SPOCK3: variants seen among roughly 807,000 people sequenced by gnomAD.
SPOCK3 encodes testican-3.
A neutral mutation model predicts 56.6 loss-of-function variants in SPOCK3; 30 were observed. The observed-to-expected ratio is 0.53, with a 90% confidence interval of 0.40 to 0.72. The LOEUF (loss-of-function observed/expected upper bound fraction) is 0.72. SPOCK3 is among the 30% of genes least tolerant of loss of function. The pLI, the probability that SPOCK3 is intolerant of heterozygous loss-of-function variation, is 0.00. For missense variants in SPOCK3, 527 were observed against 530.0 expected, an observed-to-expected ratio of 0.99 and a Z score of 0.06; for synonymous variants, 196 against 183.3, an observed-to-expected ratio of 1.07 and a Z score of -0.56.
At chr4:167,077,751 C>T (rs1323787092) in intron 2 of SPOCK3, among the ~76,000 whole-genome samples, 1 of 151,684 alleles carries the variant, frequency 6.6e-6, no homozygotes, top group Non-Finnish European at 1.5e-5. Flanking sequence ...GAAAATATTA[C>T]TATTGGTAAC....
chr4:166,980,273 T>C (rs1746421850), intron 4 of SPOCK3, among the ~76,000 whole-genome samples: 1 of 152,262 alleles, frequency 6.6e-6, no homozygotes, highest in Non-Finnish European at 1.5e-5. Flanking sequence ...ATGCCTAGAA[T>C]ATCTGGCATA....
At chr4:166,798,020 A>G (rs1431097291) in intron 6 of SPOCK3, among the ~76,000 whole-genome samples, 1 of 152,172 alleles carries the variant, frequency 6.6e-6, no homozygotes, top group Admixed American at 6.5e-5. Flanking sequence ...CTATTGTCTA[A>G]TAATGTCAAC....
chr4:166,819,398 T>C (rs1744693745), intron 6 of SPOCK3, among the ~76,000 whole-genome samples: 1 of 151,970 alleles, frequency 6.6e-6, no homozygotes, highest in African/African-American at 2.4e-5. Context: ...GAAATAAACG[T>C]AAGGTATCAG....
At chr4:166,816,824 C>G (rs1326013178) in intron 6 of SPOCK3, among the ~76,000 whole-genome samples, 2 of 151,956 alleles carry the variant, frequency 1.3e-5, no homozygotes, top group African/African-American at 2.4e-5. Flanking sequence ...GACAGAAGGC[C>G]TCTGTGGTAT....
chr4:166,986,842 C>A (rs1212442979), intron 4 of SPOCK3, among the ~76,000 whole-genome samples: 2 of 152,102 alleles, frequency 1.3e-5, no homozygotes, highest in Admixed American at 6.6e-5. Context: ...CACATGCACA[C>A]ACACCAAAAT....
At chr4:166,953,727 C>T (rs1254687725) in intron 4 of SPOCK3, among the ~76,000 whole-genome samples, 3 of 152,164 alleles carry the variant, frequency 2.0e-5, no homozygotes, top group Non-Finnish European at 4.4e-5. Context: ...AAATGTGGCA[C>T]ATATACACCA....
chr4:167,081,980 G>C (rs28680316), intron 2 of SPOCK3, among the ~76,000 whole-genome samples: 17,576 of 151,972 alleles, frequency 0.12, 1,289 homozygotes, highest in African/African-American at 0.21. Context: ...CTTCATGCAT[G>C]TCTCTTATCA....
At chr4:167,138,757 T>C (rs1393950816) in intron 2 of SPOCK3, among the ~76,000 whole-genome samples, 2 of 151,840 alleles carry the variant, frequency 1.3e-5, no homozygotes, top group African/African-American at 4.8e-5. Context: ...CTAAAAAATG[T>C]CATTGTGTTT....
intron 4 of SPOCK3, among the ~76,000 whole-genome samples, chr4:166,929,180 G>C (rs1033934316): frequency 9.9e-5 from 15 of 151,930 alleles, no homozygotes; most frequent in Admixed American, 1.3e-4. Flanking sequence ...AAAAAAGTAA[G>C]TATTTTAAAA....
chr4:167,159,208 G>T (rs1765069869), intron 2 of SPOCK3, among the ~76,000 whole-genome samples: 1 of 151,784 alleles, frequency 6.6e-6, no homozygotes. Context: ...AGTATTAAAA[G>T]AAAAAATGTC....
intron 2 of SPOCK3, among the ~76,000 whole-genome samples, chr4:167,183,596 A>C (rs556817198): frequency 6.6e-6 from 1 of 152,332 alleles, no homozygotes; most frequent in East Asian, 1.9e-4. Context: ...AAAGAGAATA[A>C]AAGCCTTGTG....
intron 3 of SPOCK3, among the ~76,000 whole-genome samples, chr4:167,001,438 A>G (rs1174087880): frequency 2.0e-5 from 3 of 152,182 alleles, no homozygotes; most frequent in South Asian, 2.1e-4. Context: ...CTGAAGTTCA[A>G]TCATGTTGTA....
chr4:166,736,279 A>G (rs544139924), intron 10 of SPOCK3, among the ~76,000 whole-genome samples: 1 of 152,102 alleles, frequency 6.6e-6, no homozygotes, highest in Non-Finnish European at 1.5e-5. Flanking sequence ...TCATCTCCAT[A>G]TAACTTTTAT....
intron 2 of SPOCK3, among the ~76,000 whole-genome samples, chr4:167,174,435 T>C (rs1730786155): frequency 7.8e-6 from 1 of 127,820 alleles, no homozygotes; most frequent in Non-Finnish European, 1.6e-5. Context: ...TCTAAAATTT[T>C]GAAAAAAAAA....
intron 4 of SPOCK3, among the ~76,000 whole-genome samples, chr4:166,937,605 C>A (rs1740567246): frequency 6.7e-6 from 1 of 148,324 alleles, no homozygotes; most frequent in Non-Finnish European, 1.5e-5. Flanking sequence ...TGTAGTTGTT[C>A]CAGTTGAGCT....
chr4:167,231,873 A>G (rs1193940477), intron 2 of SPOCK3, among the ~76,000 whole-genome samples: 1 of 152,130 alleles, frequency 6.6e-6, no homozygotes, highest in Non-Finnish European at 1.5e-5. Flanking sequence ...CAAAAACATA[A>G]CTGTCTTACT....
At chr4:166,766,516 T>C (rs1338017866) in intron 7 of SPOCK3, among the ~76,000 whole-genome samples, 11 of 152,090 alleles carry the variant, frequency 7.2e-5, no homozygotes, top group African/African-American at 4.8e-5. Context: ...GTTGAACCAG[T>C]CTTGCATCCC....
At chr4:166,938,610 TG>T (rs1561031077) in intron 4 of SPOCK3, among the ~76,000 whole-genome samples, 1 of 151,410 alleles carries the variant, frequency 6.6e-6, no homozygotes, top group African/African-American at 2.4e-5. Flanking sequence ...AGAAAAAGAA[TG>T]GGGGAGAAAA....
intron 4 of SPOCK3, among the ~76,000 whole-genome samples, chr4:166,992,904 A>G (rs930682478): frequency 6.6e-6 from 1 of 152,112 alleles, no homozygotes; most frequent in African/African-American, 2.4e-5. Flanking sequence ...TTATGTGTGA[A>G]GGAATTCCTT....
Sources: allele counts gnomAD v4.1 joint callset (sites outside exome capture counted in the v4.1 genomes callset), GRCh38; gene constraint gnomAD v4.1.1; transcripts MANE v1.5; gene names NCBI Gene and HGNC (gene_info 2026-07-23, HGNC 2026-07-21).